HELLS: variants seen among roughly 807,000 people sequenced by gnomAD.
HELLS encodes helicase, lymphoid specific.
A neutral mutation model predicts 120.0 loss-of-function variants in HELLS; 32 were observed. That is an observed-to-expected ratio of 0.27 (90% CI 0.20 to 0.36). HELLS has a LOEUF of 0.36. Ranked by LOEUF, HELLS falls within the 10% of genes least tolerant of loss-of-function variation. The pLI, the probability that HELLS is intolerant of heterozygous loss-of-function variation, is 1.00. For missense variants in HELLS, 650 were observed against 993.4 expected (o/e 0.65, Z 4.65); for synonymous variants, 341 against 323.4 (o/e 1.05, Z -0.58).
At chr10:94,584,827 ATTC>A (rs1845042655) in intron 12 of HELLS, among the ~76,000 whole-genome samples, 1 of 152,102 alleles carries the variant, frequency 6.6e-6, no homozygotes. Flanking sequence ...TTATATCCAA[ATTC>A]AACAGTTTTA....
rs765751846 is a variant in HELLS, at chr10:94,590,319, A to G, written c.1489-94A>G. The G allele has an allele frequency of 4.1e-4, 432 of 1,044,656 alleles. 1 individual carries two copies. The highest frequency in any genetic ancestry group is 5.7e-4 in the Non-Finnish European group (413 of 722,898). 64.7% of individuals were successfully genotyped at this position (1,044,656 alleles called of 1,614,324 possible). ...CATTTGTATTTGTCTATAGATTGTC[A>G]TTTTGTACATAAAATATGCCTTATT... On this transcript the variant is annotated intron_variant, in intron 13 of 21. Transcript: ENST00000348459.
Position 94,562,685 on chromosome 10 carries a change from T to G in HELLS, c.334-6T>G. On this transcript the variant is annotated splice_region_variant and splice_polypyrimidine_tract_variant and intron_variant, in intron 4 of 21. Coordinates refer to ENST00000348459, the MANE Select transcript of HELLS (RefSeq NM_018063.5). ...AAAATCAATATTCTGAATCCTTGTT[T>G]TGTAGGGTAAAAATTCAATTGATGC... The G allele has an allele frequency of 6.4e-7, 1 of 1,573,782 alleles. No individual in the cohort carries two copies. Among genetic ancestry groups the G allele is most frequent in the Non-Finnish European group, 8.7e-7 (1 of 1,151,274 alleles).
intron 6 of HELLS, among the ~76,000 whole-genome samples, chr10:94,567,620 G>T (rs1042956654): frequency 2.6e-5 from 4 of 152,132 alleles, no homozygotes; most frequent in African/African-American, 9.7e-5. Flanking sequence ...TTAAGAGTAG[G>T]CTGGACTGGA....
rs1356219200 is a variant in HELLS at position 94,552,047 on chromosome 10, C to G, written c.154-2079C>G. Among the ~76,000 whole-genome samples the G allele has an allele frequency of 2.0e-5, 3 of 152,264 alleles. No individual in the cohort carries two copies. The East Asian group carries it at 5.8e-4, about 29-fold the overall frequency. On this transcript the variant is annotated intron_variant, in intron 2 of 21. Transcript: ENST00000348459. The stretch of plus-strand genomic sequence containing the variant: ...AGCCACCGCGCCCAGCCTCATATCC[C>G]CCATTTCAAACACGCTGTAAACAAT...
At chr10:94,584,130 G>A in intron 12 of HELLS, 1 of 1,306,356 alleles carries the variant, frequency 7.7e-7, no homozygotes, top group Non-Finnish European at 1.0e-6. Flanking sequence ...TTTGAGGTTA[G>A]AAGTCCTTTT....
chr10:94,586,206 C>T (rs533213160), intron 12 of HELLS, among the ~76,000 whole-genome samples: 2 of 152,000 alleles, frequency 1.3e-5, no homozygotes, highest in South Asian at 2.1e-4. Flanking sequence ...CTGCAAGCTG[C>T]ACCTCCCGGG....
At position 94,590,620 on chromosome 10, in the gene HELLS, C is replaced by T. The variant is rs764474362; in HGVS notation, c.1629-18C>T. 1.2e-6 allele frequency: 2 copies of T among 1,606,426 alleles called. No homozygotes were observed. The highest frequency in any genetic ancestry group is 8.5e-7 in the Non-Finnish European group (1 of 1,178,218). ...CCATTTTTTGCATTTCCCATATATG[C>T]ATTATTTGTTTTGGTAGAGCTGTTG... is the stretch of plus-strand genomic sequence containing the variant. On this transcript the variant is annotated intron_variant, in intron 14 of 21. Coordinates refer to ENST00000348459, the MANE Select transcript of HELLS (RefSeq NM_018063.5).
chr10:94,564,399 T>C lies in HELLS; in HGVS notation c.435+1523T>C, dbSNP rs377037408. On this transcript the variant is annotated intron_variant, in intron 6 of 21. Coordinates refer to ENST00000348459, the MANE Select transcript of HELLS (RefSeq NM_018063.5). Reference sequence around the variant, plus strand: ...CTGAGCCTGGCCTAGTCAGAAATTGTCACTATAATTTAACTTTTTGTAACC... The same window carrying C: ...CTGAGCCTGGCCTAGTCAGAAATTGCCACTATAATTTAACTTTTTGTAACC... 2.8e-4 allele frequency among the ~76,000 whole-genome samples: 42 copies of C among 152,328 alleles called. 1 individual carries two copies. The South Asian group carries it at 8.3e-3, about 30-fold the overall frequency.
intron 21 of HELLS, among the ~76,000 whole-genome samples, chr10:94,597,919 T>A (rs1845820001): frequency 6.6e-6 from 1 of 152,192 alleles, no homozygotes; most frequent in Admixed American, 6.5e-5. Context: ...TTTTTCTTGT[T>A]CTGTCATTCT....
At chr10:94,568,140 C>T (rs1843930630) in intron 6 of HELLS, among the ~76,000 whole-genome samples, 1 of 151,436 alleles carries the variant, frequency 6.6e-6, no homozygotes, top group Admixed American at 6.6e-5. Flanking sequence ...GATCTCTTGA[C>T]CTTGTGATCC....
chr10:94,612,005 A>T (rs1846197546), exon 10 of HELLS: 1 of 152,192 alleles, frequency 6.6e-6, no homozygotes, highest in Non-Finnish European at 1.5e-5. Context: ...GATACATTGC[A>T]GATTATCTTA....
chr10:94,573,944 C>CT lies in HELLS; in HGVS notation c.478-9dup. The CT allele has an allele frequency of 1.3e-6, 2 of 1,509,824 alleles. No homozygotes were observed. The highest frequency in any genetic ancestry group is 1.8e-5 in the Admixed American group (1 of 55,518). The allele number at this position is 1,509,824 out of a possible 1,614,324, so 93.5% of individuals were successfully genotyped here. On this transcript the variant is annotated splice_polypyrimidine_tract_variant and intron_variant, in intron 7 of 21. Transcript: ENST00000348459. ...ATTTTGTATAACACATCTTATTAAA[C>CT]TTTTTTTCTCTACAGGATGAAAACT...
chr10:94,549,943 A>C (rs1460451195), intron 2 of HELLS, among the ~76,000 whole-genome samples: 1 of 152,112 alleles, frequency 6.6e-6, no homozygotes, highest in Non-Finnish European at 1.5e-5. Context: ...TTTTTGAGAC[A>C]GAGTTTCACT....
rs1434844526 is a variant in HELLS, at chr10:94,590,508, G to A, written c.1584G>A (p.Leu528=). ...YSKIDDFPNE[L]EKLISQIQPE... Reference sequence around the variant, plus strand: ...AAATAGATGATTTCCCTAATGAATTGGAAAAACTGATCAGTCAAATACAGC... The same window carrying A: ...AAATAGATGATTTCCCTAATGAATTAGAAAAACTGATCAGTCAAATACAGC... Residue 528 remains leucine, a synonymous_variant, in exon 14 of 22, where the codon TTG becomes TTA. Coordinates refer to ENST00000348459, the MANE Select transcript of HELLS (RefSeq NM_018063.5). 2 of 1,610,316 alleles carry A rather than the reference G, an allele frequency of 1.2e-6. No individual in the cohort carries two copies. The highest frequency in any genetic ancestry group is 2.2e-5 in the East Asian group (1 of 44,814).
At chr10:94,566,180 T>C (rs1386063321) in intron 6 of HELLS, among the ~76,000 whole-genome samples, 2 of 152,024 alleles carry the variant, frequency 1.3e-5, no homozygotes, top group African/African-American at 4.8e-5. Context: ...CTGTGTCCGG[T>C]TGGGAATTGG....
chr10:94,579,206 T>TC (rs536954194), intron 10 of HELLS, among the ~76,000 whole-genome samples: 4 of 106,928 alleles, frequency 3.7e-5, no homozygotes, highest in East Asian at 4.9e-4. Context: ...TTTTTCTTTT[T>TC]TTTTTTTTTT....
At chr10:94,550,025 A>G (rs1442815381) in intron 2 of HELLS, among the ~76,000 whole-genome samples, 1 of 152,076 alleles carries the variant, frequency 6.6e-6, no homozygotes, top group African/African-American at 2.4e-5. Context: ...GGTTCAAGCA[A>G]TTCTCCTGCC....
At chr10:94,556,922 C>T (rs575490169) in intron 3 of HELLS, among the ~76,000 whole-genome samples, 6 of 152,308 alleles carry the variant, frequency 3.9e-5, no homozygotes, top group African/African-American at 1.4e-4. Context: ...ACCTTTCAGA[C>T]CTGTCTCCAG....
intron 6 of HELLS, among the ~76,000 whole-genome samples, chr10:94,566,117 T>A (rs546836801): frequency 2.1e-4 from 32 of 152,082 alleles, no homozygotes; most frequent in Non-Finnish European, 4.1e-4. Context: ...GGCCTCGAAT[T>A]TTTGGGCTCC....
Sources: gnomAD v4.1 joint callset for allele counts (sites outside exome capture counted in the v4.1 genomes callset) on GRCh38, gnomAD v4.1.1 for gene constraint, MANE v1.5 for transcripts, NCBI Gene and HGNC (gene_info 2026-07-23, HGNC 2026-07-21) for gene names.